Variants in MECOM observed in about 807,000 individuals in gnomAD.
MECOM encodes histone-lysine N-methyltransferase MECOM.
MECOM carries 13 observed loss-of-function variants against 116.3 expected under a neutral mutation model. The observed-to-expected ratio is 0.11, with a 90% CI of 0.07 to 0.18. MECOM has a LOEUF of 0.18. Among genes scored for constraint, MECOM ranks in the 10% least tolerant of loss-of-function variants. The pLI is 1.00. For synonymous variants in MECOM, 528 were observed against 535.2 expected (o/e 0.99, Z 0.19); for missense variants, 1,299 against 1,509.0 (o/e 0.86, Z 2.31).
chr3:169,649,161 C>G (rs1054974620), intron 1 of MECOM, among the ~76,000 whole-genome samples: 1 of 152,142 alleles, frequency 6.6e-6, no homozygotes, highest in Non-Finnish European at 1.5e-5. Flanking sequence ...GATAGGCAGA[C>G]TTTCCAGGAA....
At chr3:169,573,711 A>C (rs1454229527) in intron 1 of MECOM, among the ~76,000 whole-genome samples, 2 of 152,178 alleles carry the variant, frequency 1.3e-5, no homozygotes, top group South Asian at 2.1e-4. Flanking sequence ...AAATATCTTC[A>C]TATCTCCCAA....
chr3:169,520,728 G>A (rs907164728), intron 1 of MECOM, among the ~76,000 whole-genome samples: 1 of 151,978 alleles, frequency 6.6e-6, no homozygotes, highest in Non-Finnish European at 1.5e-5. Context: ...AATGAATTGT[G>A]TTACCCTATT....
intron 2 of MECOM, among the ~76,000 whole-genome samples, chr3:169,226,030 C>T (rs1029568755): frequency 1.3e-5 from 2 of 152,206 alleles, no homozygotes; most frequent in African/African-American, 4.8e-5. Context: ...TATTTTATTA[C>T]ATAAACTTCC....
At chr3:169,625,005 T>C (rs1056263744) in intron 1 of MECOM, among the ~76,000 whole-genome samples, 4 of 149,060 alleles carry the variant, frequency 2.7e-5, no homozygotes, top group Non-Finnish European at 4.4e-5. Context: ...TCTGAGTTTC[T>C]GAGCTCAGGA....
At chr3:169,260,347 T>TA (rs796780439) in intron 2 of MECOM, among the ~76,000 whole-genome samples, 2 of 152,242 alleles carry the variant, frequency 1.3e-5, no homozygotes, top group African/African-American at 4.8e-5. Flanking sequence ...TCATTTTCAT[T>TA]AAAAAGACAT....
At chr3:169,597,902 A>C (rs547895261) in intron 1 of MECOM, among the ~76,000 whole-genome samples, 1 of 152,340 alleles carries the variant, frequency 6.6e-6, no homozygotes, top group East Asian at 1.9e-4. Context: ...CACACTAAAC[A>C]TGGATGGTGG....
At chr3:169,397,918 T>C (rs1352750387) in intron 1 of MECOM, among the ~76,000 whole-genome samples, 4 of 152,228 alleles carry the variant, frequency 2.6e-5, no homozygotes, top group African/African-American at 7.2e-5. Flanking sequence ...GTTGCTAACC[T>C]AACATTCCAG....
chr3:169,215,232 C>A (rs1294039962), intron 2 of MECOM, among the ~76,000 whole-genome samples: 1 of 125,872 alleles, frequency 7.9e-6, no homozygotes, highest in Non-Finnish European at 1.6e-5. Flanking sequence ...TTTTTTCCCC[C>A]TCCTCTTTCC....
At chr3:169,598,765 G>T (rs988291576) in intron 1 of MECOM, among the ~76,000 whole-genome samples, 5 of 152,114 alleles carry the variant, frequency 3.3e-5, no homozygotes, top group African/African-American at 1.2e-4. Flanking sequence ...ATCATGAGTT[G>T]CTAGATCAGA....
intron 2 of MECOM, among the ~76,000 whole-genome samples, chr3:169,181,422 T>G (rs908103933): frequency 6.6e-6 from 1 of 152,202 alleles, no homozygotes; most frequent in Non-Finnish European, 1.5e-5. Context: ...CATTTTCATC[T>G]TTCTAGAAAG....
intron 1 of MECOM, among the ~76,000 whole-genome samples, chr3:169,547,386 G>A (rs1157474971): frequency 6.6e-6 from 1 of 152,136 alleles, no homozygotes; most frequent in African/African-American, 2.4e-5. Flanking sequence ...AAATTACCCA[G>A]TCTCAGGTAG....
chr3:169,473,694 G>T (rs1232482313), intron 1 of MECOM, among the ~76,000 whole-genome samples: 1 of 152,064 alleles, frequency 6.6e-6, no homozygotes, highest in African/African-American at 2.4e-5. Flanking sequence ...ACTTGAATCT[G>T]GGGGGCAGAG....
In MECOM at chr3:169,371,761, A is replaced by G. The variant is rs115675345; in HGVS notation, c.375+9426T>C. 5.2e-3 allele frequency among the ~76,000 whole-genome samples: 790 copies of G among 152,130 alleles called. 7 individuals are homozygous for G. The highest frequency in any genetic ancestry group is 0.018 in the African/African-American group (768 of 41,538). Reference sequence around the variant, plus strand: ...TCAAATTATTTCATTCTTCTTCATTATCAAGCACACATTATTTGTCAGCCT... The same window carrying G: ...TCAAATTATTTCATTCTTCTTCATTGTCAAGCACACATTATTTGTCAGCCT... On this transcript the variant is annotated intron_variant, in intron 2 of 16. Transcript: ENST00000651503.
intron 1 of MECOM, among the ~76,000 whole-genome samples, chr3:169,614,387 C>G (rs1227906999): frequency 6.6e-6 from 1 of 152,002 alleles, no homozygotes; most frequent in Admixed American, 6.6e-5. Flanking sequence ...ATATACACCA[C>G]TGGATTAATT....
intron 10 of MECOM, among the ~76,000 whole-genome samples, chr3:169,102,823 C>G (rs931215102): frequency 2.0e-5 from 3 of 151,812 alleles, no homozygotes; most frequent in African/African-American, 7.3e-5. Context: ...GGATCATATA[C>G]AAAGAATTTT....
intron 2 of MECOM, among the ~76,000 whole-genome samples, chr3:169,216,001 C>T (rs1373074264): frequency 2.0e-5 from 3 of 152,242 alleles, no homozygotes; most frequent in Non-Finnish European, 4.4e-5. Flanking sequence ...TGTTTTCTCA[C>T]AACCCAGAAA....
chr3:169,263,124 T>TATATAC lies in MECOM; in HGVS notation c.375+118062_375+118063insGTATAT, dbSNP rs1757797819. Among the ~76,000 whole-genome samples the TATATAC allele has an allele frequency of 8.2e-5, 5 of 60,976 alleles. 1 individual carries two copies. Among genetic ancestry groups the TATATAC allele is most frequent in the African/African-American group, 1.9e-4 (2 of 10,628 alleles). The allele number at this position is 60,976 out of a possible 152,430, so 40.0% of individuals were successfully genotyped here. A position where few individuals can be genotyped will look rare whatever the true frequency, so the allele number is the denominator to read the frequency against. On this transcript the variant is annotated intron_variant, in intron 2 of 16. Coordinates refer to ENST00000651503, the MANE Select transcript of MECOM (RefSeq NM_004991.4). ...ATATATATATATATATATATATATA[T>TATATAC]ATATGTTTTTTTTTTTTTTTTTGAG...
intron 1 of MECOM, among the ~76,000 whole-genome samples, chr3:169,499,673 A>T (rs1754296192): frequency 6.6e-6 from 1 of 152,096 alleles, no homozygotes; most frequent in African/African-American, 2.4e-5. Context: ...TCAACAAAAC[A>T]TGCTGATATA....
At chr3:169,248,634 A>C (rs1312829109) in intron 2 of MECOM, among the ~76,000 whole-genome samples, 1 of 152,168 alleles carries the variant, frequency 6.6e-6, no homozygotes, top group Non-Finnish European at 1.5e-5. Flanking sequence ...AATGCCTGAG[A>C]ATATGACCAT....
Sources: allele counts gnomAD v4.1 joint callset (sites outside exome capture counted in the v4.1 genomes callset), GRCh38; gene constraint gnomAD v4.1.1; transcripts MANE v1.5; gene names NCBI Gene and HGNC (gene_info 2026-07-23, HGNC 2026-07-21).